Variants in F5 observed in about 807,000 individuals in gnomAD.
F5 encodes coagulation factor V, also known as activated protein c cofactor.
F5 carries 138 observed loss-of-function variants against 216.4 expected under a neutral mutation model. That is an observed-to-expected ratio of 0.64 (90% CI 0.56 to 0.73). F5 has a LOEUF of 0.73. Ranked by LOEUF, F5 falls within the 30% of genes least tolerant of loss-of-function variation. F5 has a pLI of 0.00. For missense variants in F5, 2,403 were observed against 2,674.0 expected (o/e 0.90, Z 2.24); for synonymous variants, 916 against 930.7 (o/e 0.98, Z 0.29).
At chr1:169,569,870 A>C (rs1171301588) in intron 3 of F5, among the ~76,000 whole-genome samples, 1 of 152,038 alleles carries the variant, frequency 6.6e-6, no homozygotes, top group Non-Finnish European at 1.5e-5. Flanking sequence ...CTGGCTCAGC[A>C]TGCAGTTAGT....
chr1:169,572,456 G>A, intron 2 of F5, 113 bp from the exon 3 acceptor site: 1 of 1,291,924 alleles, frequency 7.7e-7, no homozygotes, highest in Non-Finnish European at 1.1e-6. Flanking sequence ...ATTCCTCCTG[G>A]TCCTGAGGCT....
intron 2 of F5, 134 bp downstream of exon 2, chr1:169,582,297 T>C (rs9332684): frequency 0.019 from 9,853 of 518,024 alleles, 147 homozygotes; most frequent in Middle Eastern, 0.026. Context: ...ACATATTATG[T>C]AGCCAGTACT....
Position 169,552,660 on chromosome 1 carries a change from T to G in F5, c.1193A>C (p.Gln398Pro). The G allele has an allele frequency of 6.2e-7, 1 of 1,612,508 alleles. No homozygotes were observed. The highest frequency in any genetic ancestry group is 8.5e-7 in the Non-Finnish European group (1 of 1,178,818). The change falls in exon 8 of 25, where the codon CAG becomes CCG. Residue 398 changes from glutamine to proline, a missense_variant. By Grantham distance (76) the Gln-to-Pro change is moderately conservative (BLOSUM62 -1). Around this residue, in one of 4 missense-constraint regions of F5, gnomAD observed 1,425 missense variants for 1,554.8 expected, o/e 0.92. Coordinates refer to ENST00000367797, the MANE Select transcript of F5 (RefSeq NM_000130.5). ...TTTGGTGAAGGACTCATCTTCGTACTGTGTGTACATAACTTTCTTATAATG... is the reference window on the plus strand; with the variant it reads ...TTTGGTGAAGGACTCATCTTCGTACGGTGTGTACATAACTTTCTTATAATG... ...GKHYKKVMYT[Q>P]YEDESFTKHT...
intron 21 of F5, among the ~76,000 whole-genome samples, chr1:169,521,077 T>C (rs1331603516): frequency 1.3e-5 from 2 of 152,040 alleles, no homozygotes; most frequent in Non-Finnish European, 2.9e-5. Flanking sequence ...CCAAATAAAA[T>C]CTGCTTTCTC....
At chr1:169,525,012 A>AT (rs376412429) in intron 18 of F5, 104 bp from the exon 19 acceptor site, 13 of 897,676 alleles carry the variant, frequency 1.4e-5, no homozygotes, top group African/African-American at 1.0e-4. Flanking sequence ...ATAATTAGAT[A>AT]TTTTTACCTA....
chr1:169,523,006 G>A (rs1217449997), intron 21 of F5, among the ~76,000 whole-genome samples, 191 bp downstream of exon 21: 1 of 148,242 alleles, frequency 6.7e-6, no homozygotes, highest in Non-Finnish European at 1.5e-5. Flanking sequence ...CAGTAACCCT[G>A]CTTCTCTCTT....
rs143801401 is a variant in F5 at position 169,553,489 on chromosome 1, A to G, written c.1119-755T>C. Among the ~76,000 whole-genome samples the G allele has an allele frequency of 4.9e-3, 742 of 152,336 alleles. 7 individuals carry two copies. The highest frequency in any genetic ancestry group is 0.017 in the African/African-American group (703 of 41,578). ...TTTGGGAGGCCGAGGCGGGCAAATC[A>G]CGAGGTCAGGAGATCGAGACCATCC... On this transcript the variant is annotated intron_variant, in intron 7 of 24. Coordinates refer to ENST00000367797, the MANE Select transcript of F5 (RefSeq NM_000130.5).
rs112576910 is a variant in F5 at position 169,580,388 on chromosome 1, G to T, written c.250+2043C>A. On this transcript the variant is annotated intron_variant, in intron 2 of 24. Transcript: ENST00000367797. ...ATACTTTTTTGTTGTTGTTGTTGTT[G>T]TTTTTTTTTTTTTGAGATAGAGTTT... is the stretch of plus-strand genomic sequence containing the variant. Among the ~76,000 whole-genome samples the T allele has an allele frequency of 3.4e-3, 463 of 138,130 alleles. 2 individuals carry two copies. Among genetic ancestry groups the T allele is most frequent in the Admixed American group, 0.011 (158 of 14,208 alleles). The allele number at this position is 138,130 out of a possible 152,430, so 90.6% of individuals were successfully genotyped here. A position where few individuals can be genotyped will look rare whatever the true frequency, so the allele number is the denominator to read the frequency against.
At position 169,577,568 on chromosome 1, in the gene F5, T is replaced by C. The variant is rs998564907; in HGVS notation, c.250+4863A>G. Among the ~76,000 whole-genome samples the C allele has an allele frequency of 3.5e-3, 186 of 53,348 alleles. 6 individuals are homozygous for C. Among genetic ancestry groups the C allele is most frequent in the African/African-American group, 0.026 (174 of 6,672 alleles). 35.0% of individuals were successfully genotyped at this position (53,348 alleles called of 152,430 possible). Reference sequence around the variant, plus strand: ...CATGTCTGGCTAATTTAAATATATATATATATATATATATATATATATATA... The same window carrying C: ...CATGTCTGGCTAATTTAAATATATACATATATATATATATATATATATATA... On this transcript the variant is annotated intron_variant, in intron 2 of 24. Coordinates refer to ENST00000367797, the MANE Select transcript of F5 (RefSeq NM_000130.5).
chr1:169,552,844 G>A (rs1660205574), intron 7 of F5, 110 bp from the exon 8 acceptor site: 9 of 804,494 alleles, frequency 1.1e-5, no homozygotes, highest in Non-Finnish European at 1.8e-5. Flanking sequence ...TAACATACTA[G>A]TTCTCTAAAA....
intron 22 of F5, 125 bp from the exon 23 acceptor site, chr1:169,518,688 G>C (rs968370015): frequency 1.8e-6 from 2 of 1,085,734 alleles, no homozygotes; most frequent in African/African-American, 3.1e-5. Context: ...CCACAACAAT[G>C]AAGATTTATT....
At chr1:169,569,049 G>A (rs1254712892) in intron 3 of F5, among the ~76,000 whole-genome samples, 1 of 152,094 alleles carries the variant, frequency 6.6e-6, no homozygotes, top group Non-Finnish European at 1.5e-5. Context: ...GGACTTGCAA[G>A]TCTCTTTGGA....
intron 11 of F5, among the ~76,000 whole-genome samples, chr1:169,545,899 C>T (rs569083006): frequency 6.6e-6 from 1 of 152,308 alleles, no homozygotes; most frequent in South Asian, 2.1e-4. Flanking sequence ...TTTAGAACTG[C>T]AGCAAATGCC....
chr1:169,550,270 T>TCCCCCCCCCCCCCCCC (rs1272186330), intron 9 of F5, among the ~76,000 whole-genome samples: 2 of 88,926 alleles, frequency 2.2e-5, no homozygotes, highest in Non-Finnish European at 4.3e-5. Flanking sequence ...CCTAATGCTA[T>TCCCCCCCCCCCCCCCC]CCCTCCCCCC....
At chr1:169,548,197 G>T (rs748550975) in intron 10 of F5, among the ~76,000 whole-genome samples, 4 of 152,112 alleles carry the variant, frequency 2.6e-5, no homozygotes, top group Non-Finnish European at 4.4e-5. Context: ...TCAGAGGATG[G>T]AGGGTGGAAA....
chr1:169,530,748 T>C, intron 15 of F5, 38 bp downstream of exon 15: 1 of 1,555,290 alleles, frequency 6.4e-7, no homozygotes, highest in Non-Finnish European at 8.9e-7. Flanking sequence ...GATTACGAGG[T>C]TAGGGGAATG....
intron 2 of F5, among the ~76,000 whole-genome samples, chr1:169,579,608 C>T (rs148968853): frequency 9.1e-4 from 138 of 152,320 alleles, no homozygotes; most frequent in Middle Eastern, 3.4e-3. Flanking sequence ...CTTACATTTT[C>T]TTTCTCACTG....
chr1:169,570,614 TA>T (rs1344454041), intron 3 of F5, among the ~76,000 whole-genome samples: 1 of 152,142 alleles, frequency 6.6e-6, no homozygotes, highest in African/African-American at 2.4e-5. Flanking sequence ...CTAAGGAAGG[TA>T]GTTCATTGAC....
intron 1 of F5, among the ~76,000 whole-genome samples, chr1:169,583,659 T>C (rs1278565052): frequency 6.6e-6 from 1 of 152,240 alleles, no homozygotes; most frequent in Non-Finnish European, 1.5e-5. Context: ...CCATGTTAGC[T>C]AGTAATATTA....
Sources: allele counts gnomAD v4.1 joint callset (sites outside exome capture counted in the v4.1 genomes callset), GRCh38; gene constraint gnomAD v4.1.1; regional missense constraint gnomAD v4.1.1; transcripts MANE v1.5; gene names NCBI Gene and HGNC (gene_info 2026-07-23, HGNC 2026-07-21).